MCMBP: variants seen among roughly 807,000 people sequenced by gnomAD.
MCMBP encodes the protein minichromosome maintenance complex binding protein.
Under a neutral mutation model 81.3 loss-of-function variants are expected in MCMBP, and 31 were observed. The ratio of observed to expected loss-of-function variants is 0.38; its 90% CI spans 0.29 to 0.51. The LOEUF (loss-of-function observed/expected upper bound fraction) is 0.51, where lower values mean the gene tolerates loss of function less well. MCMBP is among the 20% of genes least tolerant of loss of function. The pLI is 0.87. For missense variants in MCMBP, 645 were observed against 772.1 expected, an observed-to-expected ratio of 0.84 and a Z score of 1.95; for synonymous variants, 267 against 275.9, an observed-to-expected ratio of 0.97 and a Z score of 0.32.
chr10:119,834,648 A>G (rs1363293268), intron 14 of MCMBP, among the ~76,000 whole-genome samples: 3 of 151,910 alleles, frequency 2.0e-5, no homozygotes, highest in Non-Finnish European at 2.9e-5. Flanking sequence ...GAGATCCCCT[A>G]TCTGCACACA....
intron 12 of MCMBP, among the ~76,000 whole-genome samples, chr10:119,838,181 A>G (rs1852312651): frequency 6.6e-6 from 1 of 150,590 alleles, no homozygotes; most frequent in East Asian, 1.9e-4. Flanking sequence ...TTACTGCTCC[A>G]TTATACTAAT....
Position 119,832,001 on chromosome 10 carries a change from G to A in MCMBP, c.1796+11C>T, listed in dbSNP as rs1852062734. 6.2e-7 allele frequency: 1 copy of A among 1,606,122 alleles called. No homozygotes were observed. ...TTACCGAAACAGCAATAATGGACGT[G>A]CGCCACTTACCGAGCCACCACGAGC... On this transcript the variant is annotated intron_variant, in intron 15 of 15. Transcript: ENST00000369077.
intron 13 of MCMBP, 116 bp downstream of exon 13, chr10:119,836,757 GTTTTTTTTTTTTTTTTTTTTTTT>G (rs199759464): frequency 0.12 from 37,046 of 296,808 alleles, 2,580 homozygotes; most frequent in East Asian, 0.26. Context: ...AGCAGTCACA[GTTTTTTTTTTTTTTTTTTTTTTT>G]TTTTTTTTTT....
chr10:119,852,196 T>C (rs1310329595), intron 6 of MCMBP, among the ~76,000 whole-genome samples: 1 of 135,102 alleles, frequency 7.4e-6, no homozygotes, highest in Non-Finnish European at 1.6e-5. Context: ...CTCTACCCAA[T>C]CTTGCAGATA....
In MCMBP at chr10:119,835,427, G is replaced by C. The variant is rs957688762; in HGVS notation, c.1707+113C>G. ...ATGGAGTAACAGAGGAATAAAAAAA[G>C]ACATGACAGAAAACAAATAACAAAA... On this transcript the variant is annotated intron_variant, in intron 14 of 15. Coordinates refer to ENST00000369077, the MANE Select transcript of MCMBP (RefSeq NM_001256378.2). The C allele has an allele frequency of 8.3e-6, 8 of 962,030 alleles. No individual in the cohort carries two copies. In the African/African-American group the frequency reaches 1.2e-4, roughly 14 times the overall value. The allele number at this position is 962,030 out of a possible 1,614,324, so 59.6% of individuals were successfully genotyped here.
chr10:119,865,060 T>C (rs904032704), intron 1 of MCMBP, among the ~76,000 whole-genome samples: 1 of 152,258 alleles, frequency 6.6e-6, no homozygotes, highest in Non-Finnish European at 1.5e-5. Context: ...AGTTTTGTGT[T>C]GTTCAGTATT....
At chr10:119,855,421 C>T (rs932544309) in intron 5 of MCMBP, among the ~76,000 whole-genome samples, 6 of 152,188 alleles carry the variant, frequency 3.9e-5, no homozygotes, top group African/African-American at 9.6e-5. Flanking sequence ...CCTGTAATCC[C>T]GGCACTTTGG....
At chr10:119,858,802 A>T in intron 4 of MCMBP, 82 bp downstream of exon 4, 1 of 1,039,798 alleles carries the variant, frequency 9.6e-7, no homozygotes, top group South Asian at 1.5e-5. Context: ...CAAGATAAAT[A>T]AATTTAAGAT....
At chr10:119,853,404 T>C (rs1281006499) in intron 5 of MCMBP, among the ~76,000 whole-genome samples, 1 of 152,200 alleles carries the variant, frequency 6.6e-6, no homozygotes, top group East Asian at 1.9e-4. Flanking sequence ...ACAATGTAAC[T>C]GGACAAAATA....
chr10:119,834,649 T>C (rs758283097), intron 14 of MCMBP, among the ~76,000 whole-genome samples: 7 of 151,528 alleles, frequency 4.6e-5, no homozygotes, highest in Admixed American at 1.3e-4. Context: ...AGATCCCCTA[T>C]CTGCACACAC....
intron 1 of MCMBP, among the ~76,000 whole-genome samples, chr10:119,862,282 G>A (rs1449582822): frequency 6.6e-6 from 1 of 152,058 alleles, no homozygotes; most frequent in Non-Finnish European, 1.5e-5. Flanking sequence ...ACTCCAGCCT[G>A]GGCGACTAGA....
intron 5 of MCMBP, among the ~76,000 whole-genome samples, chr10:119,856,267 T>C (rs188663222): frequency 2.7e-4 from 41 of 152,072 alleles, no homozygotes; most frequent in East Asian, 1.2e-3. Flanking sequence ...AAGAACTGAA[T>C]TGGTAGTTTA....
At chr10:119,835,951 C>T (rs376422535) in intron 13 of MCMBP, among the ~76,000 whole-genome samples, 143 of 152,214 alleles carry the variant, frequency 9.4e-4, no homozygotes, top group African/African-American at 3.4e-3. Context: ...ATCCTCCCAC[C>T]TCAGCCTCCT....
At chr10:119,842,752 G>A in intron 9 of MCMBP, 157 bp from the exon 10 acceptor site, 1 of 785,652 alleles carries the variant, frequency 1.3e-6, no homozygotes, top group Non-Finnish European at 1.9e-6. Flanking sequence ...TAAAAATAAG[G>A]CAGTTTGCAT....
rs951155423 is a variant in MCMBP at position 119,830,885 on chromosome 10, A to C, written c.*589T>G. On this transcript the variant is annotated 3_prime_UTR_variant, in exon 16 of 16. Transcript: ENST00000369077. ...AGTCTGGGAACCACTGCCATGTACAAGTTTAGTTTTGCAGGCTGTTAACAA... is the reference window on the plus strand; with the variant it reads ...AGTCTGGGAACCACTGCCATGTACACGTTTAGTTTTGCAGGCTGTTAACAA... 3.3e-5 allele frequency: 5 copies of C among 152,646 alleles called. No individual in the cohort carries two copies. Among genetic ancestry groups the C allele is most frequent in the Admixed American group, 3.3e-4 (5 of 15,266 alleles). The allele number at this position is 152,646 out of a possible 1,614,324, so 9.5% of individuals were successfully genotyped here.
Position 119,832,103 on chromosome 10 carries a change from TTA to T in MCMBP, c.1708-5_1708-4del, listed in dbSNP as rs1376506641. 5.0e-6 allele frequency: 8 copies of T among 1,610,748 alleles called. No individual in the cohort carries two copies. The highest frequency in any genetic ancestry group is 6.8e-6 in the Non-Finnish European group (8 of 1,178,904). Reference sequence around the variant, plus strand: ...TCCACAAAGTCATCTTCAACTGCCTTTATCAAAAGAGTAAATGTAAATGATGT... The same window carrying T: ...TCCACAAAGTCATCTTCAACTGCCTTTCAAAAGAGTAAATGTAAATGATGT... On this transcript the variant is annotated splice_region_variant and splice_polypyrimidine_tract_variant and intron_variant, in intron 14 of 15. Transcript: ENST00000369077.
chr10:119,836,960 T>C lies in MCMBP; in HGVS notation c.1478A>G (p.His493Arg), dbSNP rs767573650. 1.2e-6 allele frequency: 2 copies of C among 1,613,938 alleles called. No homozygotes were observed. The highest frequency in any genetic ancestry group is 2.2e-5 in the East Asian group (1 of 44,880). ...AATATTGCAGGGGAATTCCATCTGA[T>C]GGTAGCTGAAGTCATAATCCACCTT... is the stretch of plus-strand genomic sequence containing the variant. ...WQKVDYDFSYHQMEFPCNINV... is the reference protein window; with the variant it reads ...WQKVDYDFSYRQMEFPCNINV... The change falls in exon 13 of 16, where the codon CAT becomes CGT. Residue 493 changes from histidine (H) to arginine (R), a missense_variant. Transcript: ENST00000369077.
At chr10:119,849,251 A>T (rs1852725425) in intron 7 of MCMBP, among the ~76,000 whole-genome samples, 174 bp downstream of exon 7, 1 of 152,182 alleles carries the variant, frequency 6.6e-6, no homozygotes, top group African/African-American at 2.4e-5. Context: ...ACCATGTTGG[A>T]TTTCTGACCT....
chr10:119,857,149 A>G (rs1853081262), intron 5 of MCMBP, among the ~76,000 whole-genome samples, 189 bp downstream of exon 5: 1 of 151,750 alleles, frequency 6.6e-6, no homozygotes. Context: ...ACAGTATTTC[A>G]CTATAGGAAT....
Sources: allele counts gnomAD v4.1 joint callset (sites outside exome capture counted in the v4.1 genomes callset), GRCh38; gene constraint gnomAD v4.1.1; transcripts MANE v1.5; gene names NCBI Gene and HGNC (gene_info 2026-07-23, HGNC 2026-07-21).